Variants in ZNF385D observed in about 807,000 individuals in gnomAD.
The protein encoded by ZNF385D is zinc finger protein 659.
A neutral mutation model predicts 35.8 loss-of-function variants in ZNF385D; 15 were observed. The ratio of observed to expected loss-of-function variants is 0.42; its 90% CI spans 0.28 to 0.64. The LOEUF is 0.64. Ranked by LOEUF, ZNF385D falls within the 30% of genes least tolerant of loss-of-function variation. The pLI is 0.23. For synonymous variants in ZNF385D, 212 were observed against 186.8 expected (o/e 1.13, Z -1.10); for missense variants, 474 against 494.6 (o/e 0.96, Z 0.39).
At chr3:22,308,355 T>C (rs530403102) in intron 2 of ZNF385D, among the ~76,000 whole-genome samples, 1 of 152,158 alleles carries the variant, frequency 6.6e-6, no homozygotes, top group East Asian at 1.9e-4. Flanking sequence ...AACAGCCCAA[T>C]TTACCTTTCC....
chr3:21,759,834 T>C (rs879256356), intron 3 of ZNF385D, among the ~76,000 whole-genome samples: 12 of 152,294 alleles, frequency 7.9e-5, no homozygotes, highest in Middle Eastern at 3.4e-3. Flanking sequence ...TCCAGTAAAT[T>C]TGGATGCTTT....
intron 1 of ZNF385D, among the ~76,000 whole-genome samples, chr3:21,735,469 G>A (rs1415507387): frequency 6.6e-6 from 1 of 152,102 alleles, no homozygotes; most frequent in Non-Finnish European, 1.5e-5. Context: ...TATATAAGGT[G>A]ACATCCTTAC....
intron 4 of ZNF385D, among the ~76,000 whole-genome samples, chr3:21,504,513 T>C (rs775665873): frequency 6.6e-6 from 1 of 152,152 alleles, no homozygotes; most frequent in Non-Finnish European, 1.5e-5. Flanking sequence ...ATATAAAAAG[T>C]ACTCTGTAAA....
At chr3:21,421,963 A>G (rs1187636371) in intron 7 of ZNF385D, among the ~76,000 whole-genome samples, 1 of 152,210 alleles carries the variant, frequency 6.6e-6, no homozygotes, top group Non-Finnish European at 1.5e-5. Context: ...AATTTAAAAA[A>G]CAACCAAAAA....
chr3:22,218,262 C>A (rs1259203207), intron 2 of ZNF385D, among the ~76,000 whole-genome samples: 2 of 152,012 alleles, frequency 1.3e-5, no homozygotes, highest in African/African-American at 2.4e-5. Flanking sequence ...GGCTTTTCAG[C>A]ATAGCCATCT....
chr3:22,025,441 C>G (rs556474413), intron 3 of ZNF385D, among the ~76,000 whole-genome samples: 1 of 152,170 alleles, frequency 6.6e-6, no homozygotes, highest in East Asian at 1.9e-4. Flanking sequence ...TTTGAGTTCT[C>G]TAATCTATAT....
At chr3:21,511,654 A>AT (rs1707216283) in intron 3 of ZNF385D, 1 of 455,062 alleles carries the variant, frequency 2.2e-6, no homozygotes, top group Non-Finnish European at 4.4e-6. Flanking sequence ...ACTTAGTGTC[A>AT]TTTTTTCAGC....
intron 3 of ZNF385D, among the ~76,000 whole-genome samples, chr3:22,048,199 A>G (rs1054762406): frequency 2.0e-5 from 3 of 151,310 alleles, no homozygotes; most frequent in Non-Finnish European, 4.4e-5. Flanking sequence ...CTGTCTCTTT[A>G]CTCTATTTGT....
At chr3:21,941,145 T>C (rs1444095330) in intron 3 of ZNF385D, among the ~76,000 whole-genome samples, 1 of 152,204 alleles carries the variant, frequency 6.6e-6, no homozygotes, top group African/African-American at 2.4e-5. Flanking sequence ...CTATTTCTAT[T>C]GTATGGTGGT....
chr3:22,245,540 C>G (rs1285644953), intron 2 of ZNF385D, among the ~76,000 whole-genome samples: 4 of 151,024 alleles, frequency 2.6e-5, no homozygotes, highest in Non-Finnish European at 4.4e-5. Flanking sequence ...TTTCCTATTC[C>G]TATTTGATTC....
At chr3:22,349,297 G>A (rs1179062069) in intron 2 of ZNF385D, among the ~76,000 whole-genome samples, 1 of 152,148 alleles carries the variant, frequency 6.6e-6, no homozygotes, top group Non-Finnish European at 1.5e-5. Flanking sequence ...GATAATTACA[G>A]TATGAATTAC....
intron 3 of ZNF385D, among the ~76,000 whole-genome samples, chr3:21,944,802 T>C (rs1701694692): frequency 6.6e-6 from 1 of 152,126 alleles, no homozygotes. Flanking sequence ...ACACATTTAA[T>C]TTTTTCCAGA....
At chr3:21,998,942 C>T (rs1695663331) in intron 3 of ZNF385D, among the ~76,000 whole-genome samples, 1 of 152,038 alleles carries the variant, frequency 6.6e-6, no homozygotes, top group Non-Finnish European at 1.5e-5. Context: ...TTTTGTGGTG[C>T]ACACCCCTTA....
intron 2 of ZNF385D, among the ~76,000 whole-genome samples, chr3:22,351,992 G>A (rs889817777): frequency 2.0e-5 from 3 of 152,000 alleles, no homozygotes; most frequent in Non-Finnish European, 4.4e-5. Context: ...ACCTCATACC[G>A]TTCATGTAGC....
At chr3:22,073,395 A>C (rs1700320279) in intron 3 of ZNF385D, among the ~76,000 whole-genome samples, 1 of 151,760 alleles carries the variant, frequency 6.6e-6, no homozygotes, top group Non-Finnish European at 1.5e-5. Context: ...GAGAGGGTAA[A>C]ATGTCATCAT....
chr3:22,276,328 T>C (rs999793425), intron 2 of ZNF385D, among the ~76,000 whole-genome samples: 6 of 152,084 alleles, frequency 3.9e-5, no homozygotes, highest in Non-Finnish European at 8.8e-5. Flanking sequence ...TACATTATAA[T>C]TTATAATAGC....
At chr3:22,067,485 A>G (rs533428645) in intron 3 of ZNF385D, among the ~76,000 whole-genome samples, 1 of 152,244 alleles carries the variant, frequency 6.6e-6, no homozygotes, top group Non-Finnish European at 1.5e-5. Context: ...AGTTGGCAAC[A>G]GCTTCAGAAA....
At chr3:22,121,781 T>C (rs1703102219) in intron 3 of ZNF385D, among the ~76,000 whole-genome samples, 2 of 152,204 alleles carry the variant, frequency 1.3e-5, no homozygotes, top group South Asian at 2.1e-4. Flanking sequence ...GGTTTCATTA[T>C]ATAACCTTGA....
chr3:21,826,802 T>G (rs1465153432), intron 3 of ZNF385D, among the ~76,000 whole-genome samples: 1 of 141,886 alleles, frequency 7.0e-6, no homozygotes, highest in Admixed American at 7.5e-5. Flanking sequence ...ATTGGAGGGT[T>G]GATAAAGAAT....
Sources: gnomAD v4.1 joint callset for allele counts (sites outside exome capture counted in the v4.1 genomes callset) on GRCh38, gnomAD v4.1.1 for gene constraint, MANE v1.5 for transcripts, NCBI Gene and HGNC (gene_info 2026-07-23, HGNC 2026-07-21) for gene names.